The following ADAMTS14 variants were observed in gnomAD, a reference collection of about 807,000 sequenced individuals.
ADAMTS14 encodes the protein A disintegrin and metalloproteinase with thrombospondin motifs 14.
Under a neutral mutation model 128.6 loss-of-function variants are expected in ADAMTS14, and 100 were observed. The ratio of observed to expected loss-of-function variants is 0.78; its 90% CI spans 0.66 to 0.92. ADAMTS14 has a LOEUF of 0.92. Ranked by LOEUF, ADAMTS14 falls within the 40% of genes least tolerant of loss-of-function variation. The pLI is 0.00. For missense variants in ADAMTS14, 1,562 were observed against 1,658.6 expected (o/e 0.94, Z 1.01); for synonymous variants, 665 against 653.8 (o/e 1.02, Z -0.26).
At chr10:70,673,869 A>G (rs1839558821) in intron 1 of ADAMTS14, among the ~76,000 whole-genome samples, 3 of 152,178 alleles carry the variant, frequency 2.0e-5, no homozygotes, top group African/African-American at 7.2e-5. Context: ...CCATGACCTC[A>G]CAGTTAATTC....
chr10:70,751,948 C>T lies in ADAMTS14; in HGVS notation c.2597-147C>T, dbSNP rs2132743031. On this transcript the variant is annotated intron_variant, in intron 17 of 21. Transcript: ENST00000373207. ...TGGAGCTGATCAGGAAGGCGTCCCT[C>T]AGAAAGTGACGTGGGCAGGCGGGGG... 4 of 1,236,752 alleles carry T rather than the reference C, an allele frequency of 3.2e-6. No homozygotes were observed. The South Asian group carries it at 4.6e-5, about 14-fold the overall frequency. The allele number at this position is 1,236,752 out of a possible 1,614,324, so 76.6% of individuals were successfully genotyped here. A position where few individuals can be genotyped will look rare whatever the true frequency, so the allele number is the denominator to read the frequency against.
In ADAMTS14 at chr10:70,674,894, CG is replaced by C. The variant is rs1564514636; in HGVS notation, c.424del (p.Glu142SerfsTer147). On this transcript the variant is annotated frameshift_variant, in exon 2 of 22. Coordinates refer to ENST00000373207, the MANE Select transcript of ADAMTS14 (RefSeq NM_080722.4). LOFTEE classifies it high-confidence loss of function. Reference protein sequence around the residue: ...GSSVEWQEDFRELFRQPLRQE... With the variant: ...GSSVEWQEDFXELFRQPLRQE... ...CTCAGTGGAGTGGCAGGAGGATTTT[CG>C]GGAGCTGTTCCGGCAGCCCTTACGG... 6.2e-7 allele frequency: 1 copy of C among 1,611,536 alleles called. No homozygotes were observed. The highest frequency in any genetic ancestry group is 2.2e-5 in the East Asian group (1 of 44,806).
intron 3 of ADAMTS14, 118 bp from the exon 4 acceptor site, chr10:70,708,470 A>T: frequency 1.2e-6 from 1 of 863,296 alleles, no homozygotes; most frequent in Non-Finnish European, 1.8e-6. Flanking sequence ...ATACTACTTT[A>T]CTTACAGAGG....
intron 2 of ADAMTS14, among the ~76,000 whole-genome samples, chr10:70,688,072 G>C (rs1840042238): frequency 4.0e-5 from 2 of 49,592 alleles, no homozygotes; most frequent in African/African-American, 1.5e-4. Flanking sequence ...CTTCTCAGAC[G>C]GGGCAGCTGC....
At chr10:70,695,740 A>G (rs1486989281) in intron 2 of ADAMTS14, among the ~76,000 whole-genome samples, 1 of 152,208 alleles carries the variant, frequency 6.6e-6, no homozygotes, top group Non-Finnish European at 1.5e-5. Context: ...ACCAGTGGAG[A>G]TCCAGTCTCT....
chr10:70,672,955 C>A (rs913065283), intron 1 of ADAMTS14, 71 bp downstream of exon 1: 53 of 1,367,768 alleles, frequency 3.9e-5, no homozygotes, highest in Non-Finnish European at 7.5e-6. Flanking sequence ...CCCAAGGTTG[C>A]CCCAGCCACC....
chr10:70,697,282 C>G (rs7081273), intron 2 of ADAMTS14, among the ~76,000 whole-genome samples: 95,953 of 152,100 alleles, frequency 0.63, 30,664 homozygotes, highest in East Asian at 0.78. Flanking sequence ...ATTTGGCAAA[C>G]GTAGGCTGGT....
At chr10:70,715,828 A>G (rs1221102522) in intron 4 of ADAMTS14, among the ~76,000 whole-genome samples, 1 of 152,052 alleles carries the variant, frequency 6.6e-6, no homozygotes, top group Non-Finnish European at 1.5e-5. Context: ...GTTATAAGAG[A>G]CCACGTGGAT....
rs1842574000 is a variant in ADAMTS14, at chr10:70,760,257, G to C, written c.3179-103G>C. The stretch of plus-strand genomic sequence containing the variant: ...CTTTATAGTGGGTCCAGCAGGGGCA[G>C]GGGTGGAGGGCGGGCAGTCAGTGGG... On this transcript the variant is annotated intron_variant, in intron 21 of 21. Transcript: ENST00000373207. 4 of 1,443,132 alleles carry C rather than the reference G, an allele frequency of 2.8e-6. No individual in the cohort carries two copies. The African/African-American group carries it at 5.7e-5, about 20-fold the overall frequency. 89.4% of individuals were successfully genotyped at this position (1,443,132 alleles called of 1,614,324 possible).
At chr10:70,729,126 C>T (rs1841537385) in intron 4 of ADAMTS14, among the ~76,000 whole-genome samples, 168 bp from the exon 5 acceptor site, 1 of 152,052 alleles carries the variant, frequency 6.6e-6, no homozygotes, top group Non-Finnish European at 1.5e-5. Context: ...TCGGGCAGGT[C>T]ATTTTGCCCC....
intron 2 of ADAMTS14, among the ~76,000 whole-genome samples, chr10:70,679,977 A>C (rs2132533898): frequency 6.6e-6 from 1 of 152,344 alleles, no homozygotes; most frequent in South Asian, 2.1e-4. Context: ...CTTCAGGGTA[A>C]GGGCCTTCTT....
chr10:70,703,366 C>T (rs1358022626), intron 3 of ADAMTS14, among the ~76,000 whole-genome samples: 1 of 152,214 alleles, frequency 6.6e-6, no homozygotes, highest in African/African-American at 2.4e-5. Context: ...TGGACCGCAT[C>T]CTTGTGCCAG....
At chr10:70,724,496 T>C (rs145558213) in intron 4 of ADAMTS14, among the ~76,000 whole-genome samples, 121 of 152,312 alleles carry the variant, frequency 7.9e-4, no homozygotes, top group Admixed American at 1.8e-3. Flanking sequence ...AGGTCCTGGG[T>C]GCACAGCCAG....
At chr10:70,755,537 C>A (rs1415000737) in intron 19 of ADAMTS14, among the ~76,000 whole-genome samples, 1 of 152,080 alleles carries the variant, frequency 6.6e-6, no homozygotes, top group African/African-American at 2.4e-5. Context: ...TGCCACTGAA[C>A]CATAGACTTA....
Position 70,761,085 on chromosome 10 carries a change from G to A in ADAMTS14, c.*232G>A, listed in dbSNP as rs1564565447. On this transcript the variant is annotated 3_prime_UTR_variant, in exon 22 of 22. Coordinates refer to ENST00000373207, the MANE Select transcript of ADAMTS14 (RefSeq NM_080722.4). ...TACCTCAGCAAGCTGCCCCCGGCGG[G>A]ACTGACCCTCTCAGGGCCCCTGTTG... 1.7e-6 allele frequency: 1 copy of A among 575,408 alleles called. No individual in the cohort carries two copies. Among genetic ancestry groups the A allele is most frequent in the Non-Finnish European group, 2.8e-6 (1 of 356,608 alleles). The allele number at this position is 575,408 out of a possible 1,614,324, so 35.6% of individuals were successfully genotyped here. A position where few individuals can be genotyped will look rare whatever the true frequency, so the allele number is the denominator to read the frequency against.
In ADAMTS14 at chr10:70,751,780, G is replaced by A; in HGVS notation, c.2596+134G>A. The A allele has an allele frequency of 2.4e-6, 3 of 1,247,848 alleles. No homozygotes were observed. The South Asian group carries it at 4.5e-5, about 19-fold the overall frequency. The allele number at this position is 1,247,848 out of a possible 1,614,324, so 77.3% of individuals were successfully genotyped here. ...CTCAGTTTCTCCTTGAAGATCTCCAGTGTGTGGAAGCCCGTTTTGGGCAGG... is the reference window on the plus strand; with the variant it reads ...CTCAGTTTCTCCTTGAAGATCTCCAATGTGTGGAAGCCCGTTTTGGGCAGG... On this transcript the variant is annotated intron_variant, in intron 17 of 21. Coordinates refer to ENST00000373207, the MANE Select transcript of ADAMTS14 (RefSeq NM_080722.4).
At chr10:70,726,515 G>C (rs947086785) in intron 4 of ADAMTS14, among the ~76,000 whole-genome samples, 1 of 152,204 alleles carries the variant, frequency 6.6e-6, no homozygotes, top group South Asian at 2.1e-4. Flanking sequence ...ATGAGTATGC[G>C]TGGGACACAG....
intron 2 of ADAMTS14, among the ~76,000 whole-genome samples, chr10:70,697,742 C>T (rs1458307543): frequency 6.6e-6 from 1 of 150,492 alleles, no homozygotes; most frequent in African/African-American, 2.4e-5. Context: ...GCCACGTGAC[C>T]ATGTCTTCTT....
At chr10:70,736,594 C>A in intron 9 of ADAMTS14, 86 bp from the exon 10 acceptor site, 1 of 1,312,852 alleles carries the variant, frequency 7.6e-7, no homozygotes, top group Non-Finnish European at 1.1e-6. Context: ...CTGCACTCAT[C>A]ACACCCTCTT....
Sources: allele counts gnomAD v4.1 joint callset (sites outside exome capture counted in the v4.1 genomes callset), GRCh38; gene constraint gnomAD v4.1.1; transcripts MANE v1.5; gene names NCBI Gene and HGNC (gene_info 2026-07-23, HGNC 2026-07-21).